CSGALNACT1: variants seen among roughly 807,000 people sequenced by gnomAD.
CSGALNACT1 encodes the protein chondroitin sulfate N-acetylgalactosaminyltransferase 1.
Under a neutral mutation model 51.0 loss-of-function variants are expected in CSGALNACT1, and 52 were observed. That is an observed-to-expected ratio of 1.02 (90% CI 0.82 to 1.29). CSGALNACT1 has a LOEUF of 1.29. CSGALNACT1 is among the 50% of genes most tolerant of loss of function. The pLI, the probability that CSGALNACT1 is intolerant of heterozygous loss-of-function variation, is 0.00. For synonymous variants in CSGALNACT1, 341 were observed against 254.4 expected, an observed-to-expected ratio of 1.34 and a Z score of -3.24; for missense variants, 935 against 679.2, an observed-to-expected ratio of 1.38 and a Z score of -4.19.
intron 3 of CSGALNACT1, among the ~76,000 whole-genome samples, chr8:19,547,518 C>G (rs1433926069): frequency 6.6e-6 from 1 of 152,134 alleles, no homozygotes; most frequent in African/African-American, 2.4e-5. Context: ...GGGTTTCCCC[C>G]TTCGCTTGGC....
chr8:19,543,939 A>T (rs954542745), intron 3 of CSGALNACT1, among the ~76,000 whole-genome samples: 1 of 152,226 alleles, frequency 6.6e-6, no homozygotes, highest in Non-Finnish European at 1.5e-5. Context: ...AGAGGAAAAG[A>T]CGGTGCCAGT....
chr8:19,513,434 CTCTA>C (rs2078859948), intron 3 of CSGALNACT1, among the ~76,000 whole-genome samples: 2 of 66,574 alleles, frequency 3.0e-5, no homozygotes, highest in East Asian at 1.7e-3. Flanking sequence ...CTCTCTCTCT[CTCTA>C]TATATATATA....
chr8:19,671,769 A>T (rs2059810876), intron 1 of CSGALNACT1, among the ~76,000 whole-genome samples: 1 of 152,178 alleles, frequency 6.6e-6, no homozygotes, highest in African/African-American at 2.4e-5. Context: ...AGGGGAGTCA[A>T]CTTGCTCTAA....
intron 2 of CSGALNACT1, among the ~76,000 whole-genome samples, chr8:19,596,855 A>G (rs2049012882): frequency 6.6e-6 from 1 of 152,222 alleles, no homozygotes; most frequent in Non-Finnish European, 1.5e-5. Context: ...TTACCATCTT[A>G]ACCATTTTTA....
At chr8:19,576,516 C>T (rs1763681065) in intron 3 of CSGALNACT1, among the ~76,000 whole-genome samples, 1 of 151,772 alleles carries the variant, frequency 6.6e-6, no homozygotes, top group Non-Finnish European at 1.5e-5. Context: ...TCACATGAAC[C>T]TGCTGCAGTG....
At chr8:19,698,244 T>G (rs926757966) in intron 1 of CSGALNACT1, among the ~76,000 whole-genome samples, 7 of 152,214 alleles carry the variant, frequency 4.6e-5, no homozygotes, top group African/African-American at 1.4e-4. Context: ...TTCAGTTCCT[T>G]GCCTTCTGGC....
intron 1 of CSGALNACT1, among the ~76,000 whole-genome samples, chr8:19,690,022 T>G (rs372916129): frequency 6.6e-6 from 1 of 152,214 alleles, no homozygotes; most frequent in Non-Finnish European, 1.5e-5. Context: ...TAAAGCCAAT[T>G]TGAGTTTCAA....
At chr8:19,520,258 C>A (rs1417450365) in intron 3 of CSGALNACT1, among the ~76,000 whole-genome samples, 1 of 152,192 alleles carries the variant, frequency 6.6e-6, no homozygotes, top group Non-Finnish European at 1.5e-5. Flanking sequence ...CAAGGCTTCT[C>A]TCTTTGTGCC....
At chr8:19,651,017 C>G (rs1321021904) in intron 1 of CSGALNACT1, among the ~76,000 whole-genome samples, 1 of 152,120 alleles carries the variant, frequency 6.6e-6, no homozygotes, top group East Asian at 1.9e-4. Context: ...CAGAGATTAG[C>G]ATGGAGGTGC....
At chr8:19,670,396 A>G (rs965147968) in intron 1 of CSGALNACT1, among the ~76,000 whole-genome samples, 1 of 152,196 alleles carries the variant, frequency 6.6e-6, no homozygotes, top group Non-Finnish European at 1.5e-5. Context: ...TACTGCAGCC[A>G]AGTTATATCC....
In CSGALNACT1 at chr8:19,525,741, T is replaced by A. The variant is rs115881116; in HGVS notation, c.-296-19611A>T. Reference sequence around the variant, plus strand: ...ACAACAGAGAGAAAGCAGCCTGCCCTCGGAGCACATTTGAGGTACATGAAT... The same window carrying A: ...ACAACAGAGAGAAAGCAGCCTGCCCACGGAGCACATTTGAGGTACATGAAT... On this transcript the variant is annotated intron_variant, in intron 3 of 9. Transcript: ENST00000454498. Among the ~76,000 whole-genome samples, 708 of 144,918 alleles carry A rather than the reference T, an allele frequency of 4.9e-3. 7 individuals carry two copies. The highest frequency in any genetic ancestry group is 0.017 in the African/African-American group (671 of 38,930).
chr8:19,566,713 T>A (rs929776581), intron 3 of CSGALNACT1, among the ~76,000 whole-genome samples: 10 of 152,218 alleles, frequency 6.6e-5, no homozygotes, highest in Admixed American at 3.9e-4. Flanking sequence ...GCTTGATGTC[T>A]CTGTAAGGGA....
At chr8:19,434,525 T>C (rs1203994571) in intron 6 of CSGALNACT1, among the ~76,000 whole-genome samples, 3 of 152,194 alleles carry the variant, frequency 2.0e-5, no homozygotes, top group Non-Finnish European at 4.4e-5. Flanking sequence ...TAGAAAAATA[T>C]AATAATCATA....
At chr8:19,635,727 G>A (rs1015485905) in intron 1 of CSGALNACT1, among the ~76,000 whole-genome samples, 1 of 152,052 alleles carries the variant, frequency 6.6e-6, no homozygotes, top group African/African-American at 2.4e-5. Context: ...TCCCTTTTCA[G>A]CTTTTCGTTT....
intron 4 of CSGALNACT1, among the ~76,000 whole-genome samples, chr8:19,475,668 A>T (rs913863235): frequency 6.6e-6 from 1 of 152,210 alleles, no homozygotes; most frequent in African/African-American, 2.4e-5. Flanking sequence ...ACACAAGCAA[A>T]CAACTTAAAT....
intron 3 of CSGALNACT1, among the ~76,000 whole-genome samples, chr8:19,577,426 T>A (rs551540637): frequency 7.1e-6 from 1 of 140,528 alleles, no homozygotes; most frequent in Admixed American, 6.8e-5. Context: ...CCTAGTATGG[T>A]GGCGCACATC....
chr8:19,449,301 C>G (rs1185693548), intron 5 of CSGALNACT1, among the ~76,000 whole-genome samples: 1 of 152,082 alleles, frequency 6.6e-6, no homozygotes, highest in African/African-American at 2.4e-5. Context: ...TCTCTCAAAC[C>G]CATTAGCCAT....
chr8:19,735,964 A>C (rs545311921), intron 1 of CSGALNACT1, among the ~76,000 whole-genome samples: 1 of 152,324 alleles, frequency 6.6e-6, no homozygotes, highest in Non-Finnish European at 1.5e-5. Flanking sequence ...TGTTTTATCA[A>C]TTTTCAACAT....
rs539923676 is a variant in CSGALNACT1 at position 19,420,631 on chromosome 8, G to C, written c.954-113C>G. 154 of 1,117,576 alleles carry C rather than the reference G, an allele frequency of 1.4e-4. 2 individuals carry two copies. Among genetic ancestry groups the C allele is most frequent in the South Asian group, 1.2e-3 (99 of 80,164 alleles). The allele number at this position is 1,117,576 out of a possible 1,614,324, so 69.2% of individuals were successfully genotyped here. On this transcript the variant is annotated intron_variant, in intron 6 of 9. Transcript: ENST00000454498. ...TCTTGACCCATTTCTTTTGTAACCT[G>C]AGGGCACTGGGACTCCCCAAGAAGT... is the stretch of plus-strand genomic sequence containing the variant.
Sources: allele counts gnomAD v4.1 joint callset (sites outside exome capture counted in the v4.1 genomes callset), GRCh38; gene constraint gnomAD v4.1.1; transcripts MANE v1.5; gene names NCBI Gene and HGNC (gene_info 2026-07-23, HGNC 2026-07-21).